XG: variants seen among roughly 807,000 people sequenced by gnomAD.
XG encodes the protein Xg glycoprotein (Xg blood group).
In XG, 24 loss-of-function variants were observed where a neutral mutation model predicts 25.7. That is an observed-to-expected ratio of 0.93 (90% CI 0.68 to 1.31). The LOEUF (loss-of-function observed/expected upper bound fraction) is 1.31, where lower values mean the gene tolerates loss of function less well. XG is among the 40% of genes most tolerant of loss of function. The probability of loss-of-function intolerance (pLI) is 0.00; values close to 1 mark genes in which losing one functional copy is unlikely to be tolerated. For missense variants in XG, 181 were observed against 187.6 expected (o/e 0.96, Z 0.21); for synonymous variants, 77 against 69.2 (o/e 1.11, Z -0.56).
In XG at chrX:2,804,548, C is replaced by T. The variant is rs751703973; in HGVS notation, c.374-2153C>T. 2.8e-3 allele frequency among the ~76,000 whole-genome samples: 315 copies of T among 111,425 alleles called. 2 individuals are homozygous for T. The highest frequency in any genetic ancestry group is 9.8e-3 in the African/African-American group (300 of 30,692). ...AGCGTGTTATATAAAGCGAGCCGTCCCCACACCCCTACAGCCTACGAATGA... is the reference window on the plus strand; with the variant it reads ...AGCGTGTTATATAAAGCGAGCCGTCTCCACACCCCTACAGCCTACGAATGA... On this transcript the variant is annotated intron_variant, in intron 7 of 10. Coordinates refer to ENST00000644266, the MANE Select transcript of XG (RefSeq NM_001141919.2).
At chrX:2,803,844 CT>C (rs1006220837) in intron 7 of XG, among the ~76,000 whole-genome samples, 1 of 111,048 alleles carries the variant, frequency 9.0e-6, no homozygotes, top group African/African-American at 3.3e-5. Flanking sequence ...TTCTTTTCTT[CT>C]TTTTTTGTTT....
At chrX:2,788,575 C>A (rs1323596621) in intron 4 of XG, among the ~76,000 whole-genome samples, 1 of 111,672 alleles carries the variant, frequency 9.0e-6, no homozygotes, top group Non-Finnish European at 1.9e-5. Context: ...TGGGGCAGGG[C>A]TGGGCACGGT....
At chrX:2,788,583 G>A (rs1279165647) in intron 4 of XG, among the ~76,000 whole-genome samples, 3 of 111,689 alleles carry the variant, frequency 2.7e-5, no homozygotes, top group African/African-American at 9.8e-5. Context: ...GGCTGGGCAC[G>A]GTGGCTCATG....
intron 1 of XG, 139 bp from the exon 2 acceptor site, chrX:2,770,411 G>A: frequency 7.2e-6 from 6 of 832,212 alleles, no homozygotes; most frequent in South Asian, 6.0e-5. Context: ...CATCTCCCAT[G>A]TAGCTCATGG....
At chrX:2,781,878 T>C (rs188840343) in intron 3 of XG, among the ~76,000 whole-genome samples, 188 bp from the exon 4 acceptor site, 2 of 112,026 alleles carry the variant, frequency 1.8e-5, no homozygotes, top group Non-Finnish European at 3.8e-5. Context: ...AGTTTCAGGT[T>C]TCAAGGTTTT....
At chrX:2,808,586 C>T (rs2087025836) in intron 9 of XG, 5 of 749,773 alleles carry the variant, frequency 6.7e-6, no homozygotes, top group South Asian at 6.9e-5. Flanking sequence ...AAGGTATGAA[C>T]ACTCTGCCCA....
chrX:2,764,819 T>C (rs2050639156), intron 1 of XG, among the ~76,000 whole-genome samples: 1 of 151,258 alleles, frequency 6.6e-6, no homozygotes, highest in Admixed American at 6.6e-5. Flanking sequence ...GGCGGGTGAA[T>C]CACTTCATGC....
chrX:2,811,880 G>A lies in XG; in HGVS notation c.571+428G>A, dbSNP rs187428612. On this transcript the variant is annotated intron_variant, in intron 10 of 10. Transcript: ENST00000644266. ...CAAAGTTCTGAGATTACAGGCGTGA[G>A]CCACCGTGCCTGGCCAACAATTGGG... Among the ~76,000 whole-genome samples, 998 of 111,997 alleles carry A rather than the reference G, an allele frequency of 8.9e-3. 12 individuals are homozygous for A. The highest frequency in any genetic ancestry group is 0.028 in the African/African-American group (869 of 30,793).
At chrX:2,808,576 A>C in intron 9 of XG, 1 of 753,188 alleles carries the variant, frequency 1.3e-6, no homozygotes, top group Non-Finnish European at 1.6e-6. Context: ...AGGAGAAAGG[A>C]AGGTATGAAC....
intron 2 of XG, 47 bp downstream of exon 2, chrX:2,770,638 C>G (rs1263579231): frequency 6.2e-7 from 1 of 1,609,458 alleles, no homozygotes; most frequent in African/African-American, 1.3e-5. Context: ...CAGCTTGGAT[C>G]TAACAGCATC....
At chrX:2,783,702 T>C (rs1411315328) in intron 4 of XG, among the ~76,000 whole-genome samples, 1 of 112,532 alleles carries the variant, frequency 8.9e-6, no homozygotes, top group East Asian at 2.8e-4. Context: ...AGGCCGGGCG[T>C]GGGGGCTCAC....
intron 7 of XG, among the ~76,000 whole-genome samples, chrX:2,799,968 T>A (rs949294122): frequency 8.9e-6 from 1 of 112,059 alleles, no homozygotes. Context: ...GCAAAGGACA[T>A]GATCTTGTTC....
At chrX:2,771,465 T>C (rs909925785) in intron 2 of XG, among the ~76,000 whole-genome samples, 1 of 152,208 alleles carries the variant, frequency 6.6e-6, no homozygotes, top group Non-Finnish European at 1.5e-5. Context: ...AGAACCTTTC[T>C]GGCTGACCAG....
Position 2,789,694 on chromosome X carries a change from G to T in XG, c.241G>T (p.Gly81Cys), listed in dbSNP as rs770664869. The change falls in exon 5 of 11, where the codon GGC (glycine) becomes TGC (cysteine). Residue 81 changes from glycine (G) to cysteine (C), a missense_variant. Gly to Cys is a radical substitution (Grantham distance 159, BLOSUM62 -3). Coordinates refer to ENST00000644266, the MANE Select transcript of XG (RefSeq NM_001141919.2). ...PRPQPQPGNS[G>C]NSGGYFNDVD... ...CCCTCAACCCCAGCCTGGCAATTCC[G>T]GCAACAGTGGAGGTAATGAGTATTT... is the stretch of plus-strand genomic sequence containing the variant. 3 of 1,124,525 alleles carry T rather than the reference G, an allele frequency of 2.7e-6. No individual in the cohort carries two copies. The highest frequency in any genetic ancestry group is 2.7e-5 in the Admixed American group (1 of 37,606). The allele number at this position is 1,124,525 out of a possible 1,213,427, so 92.7% of individuals were successfully genotyped here. A position where few individuals can be genotyped will look rare whatever the true frequency, so the allele number is the denominator to read the frequency against.
chrX:2,793,143 A>G (rs2086852571), intron 5 of XG, among the ~76,000 whole-genome samples: 2 of 110,550 alleles, frequency 1.8e-5, no homozygotes, highest in Non-Finnish European at 1.9e-5. Flanking sequence ...GCCTCAAGCA[A>G]TCCTCCCGCC....
intron 4 of XG, among the ~76,000 whole-genome samples, chrX:2,787,632 C>T (rs1221421528): frequency 1.8e-5 from 2 of 111,363 alleles, no homozygotes; most frequent in Admixed American, 9.6e-5. Flanking sequence ...CTAGGCTGGG[C>T]GTGGTGGCTC....
intron 1 of XG, among the ~76,000 whole-genome samples, 198 bp from the exon 2 acceptor site, chrX:2,770,349 GTCT>G (rs2050789810): frequency 1.3e-5 from 2 of 152,140 alleles, no homozygotes; most frequent in Admixed American, 1.3e-4. Context: ...GGGGACAGGG[GTCT>G]TCTTTTGGGT....
Position 2,761,469 on chromosome X carries a change from T to C in XG, c.62-9081T>C, listed in dbSNP as rs143158357. Among the ~76,000 whole-genome samples, 172 of 147,426 alleles carry C rather than the reference T, an allele frequency of 1.2e-3. 2 individuals are homozygous for C. The East Asian group carries it at 0.027, about 23-fold the overall frequency. ...TAGCAGCCTGCAATGGACTAAGACA[T>C]CTCATAAGAAGAGCAGATGAGGACA... On this transcript the variant is annotated intron_variant, in intron 1 of 10. Coordinates refer to ENST00000644266, the MANE Select transcript of XG (RefSeq NM_001141919.2).
intron 6 of XG, among the ~76,000 whole-genome samples, chrX:2,794,865 C>T (rs2086869603): frequency 8.9e-6 from 1 of 112,127 alleles, no homozygotes; most frequent in African/African-American, 3.2e-5. Context: ...CACTGAAACA[C>T]TTGCGGTCAT....
Sources: allele counts gnomAD v4.1 joint callset (sites outside exome capture counted in the v4.1 genomes callset), GRCh38; gene constraint gnomAD v4.1.1; transcripts MANE v1.5; gene names NCBI Gene and HGNC (gene_info 2026-07-23, HGNC 2026-07-21).